Variants in FBRSL1 observed in about 807,000 individuals in gnomAD.
FBRSL1 encodes fibrosin-1-like protein.
In FBRSL1, 51 loss-of-function variants were observed where a neutral mutation model predicts 89.6. The observed-to-expected ratio is 0.57, with a 90% CI of 0.45 to 0.72. FBRSL1 has a LOEUF of 0.72. Among genes scored for constraint, FBRSL1 ranks in the 30% least tolerant of loss-of-function variants. FBRSL1 has a pLI of 0.00. For missense variants in FBRSL1, 1,618 were observed against 1,451.8 expected, an observed-to-expected ratio of 1.11 and a Z score of -1.86; for synonymous variants, 779 against 681.1, an observed-to-expected ratio of 1.14 and a Z score of -2.24.
chr12:132,536,765 G>A (rs1465178472), intron 4 of FBRSL1, among the ~76,000 whole-genome samples: 1 of 152,130 alleles, frequency 6.6e-6, no homozygotes, highest in Non-Finnish European at 1.5e-5. Context: ...GTATATGATG[G>A]TGTGTGTGAG....
intron 4 of FBRSL1, among the ~76,000 whole-genome samples, chr12:132,539,125 C>T (rs752360089): frequency 2.4e-4 from 36 of 152,054 alleles, no homozygotes; most frequent in Non-Finnish European, 3.1e-4. Flanking sequence ...AGCCGCATCC[C>T]CACACACTGC....
chr12:132,565,976 G>C (rs2039584531), intron 5 of FBRSL1: 1 of 152,206 alleles, frequency 6.6e-6, no homozygotes, highest in African/African-American at 2.4e-5. Flanking sequence ...AATGGATCGT[G>C]GTGACAGGTG....
chr12:132,535,174 T>G (rs2036604184), intron 4 of FBRSL1, among the ~76,000 whole-genome samples: 1 of 152,242 alleles, frequency 6.6e-6, no homozygotes. Context: ...CTTTTTGTGT[T>G]GATAAATAAT....
intron 14 of FBRSL1, 109 bp downstream of exon 14, chr12:132,574,673 G>GA: frequency 1.5e-6 from 2 of 1,364,958 alleles, no homozygotes; most frequent in Non-Finnish European, 2.0e-6. Context: ...GTGCACGGGT[G>GA]TGATCCTCAC....
chr12:132,572,256 CG>C, intron 9 of FBRSL1, 31 bp from the exon 10 acceptor site: 1 of 1,546,530 alleles, frequency 6.5e-7, no homozygotes, highest in Non-Finnish European at 8.7e-7. Flanking sequence ...GTCGTGTGTG[CG>C]GGGCCTCACC....
chr12:132,547,717 G>A (rs867858346), intron 4 of FBRSL1, among the ~76,000 whole-genome samples: 3 of 152,210 alleles, frequency 2.0e-5, no homozygotes, highest in African/African-American at 7.2e-5. Flanking sequence ...GGCTCCTCTC[G>A]GGCTGCAGGG....
chr12:132,521,945 G>A (rs1224160584), intron 2 of FBRSL1, among the ~76,000 whole-genome samples: 2 of 152,160 alleles, frequency 1.3e-5, no homozygotes, highest in Non-Finnish European at 1.5e-5. Context: ...CAGGTGGGGC[G>A]ATGAGTCCGT....
At chr12:132,582,948 C>CA (rs1401707772) in intron 18 of FBRSL1, 23 bp from the exon 19 acceptor site, 7 of 1,379,794 alleles carry the variant, frequency 5.1e-6, no homozygotes, top group Non-Finnish European at 6.5e-6. Flanking sequence ...TCGGGAGTGA[C>CA]GGGTCCGCCC....
intron 2 of FBRSL1, among the ~76,000 whole-genome samples, chr12:132,519,262 C>T (rs367947960): frequency 3.9e-5 from 6 of 152,234 alleles, no homozygotes; most frequent in Non-Finnish European, 7.3e-5. Context: ...TTTAGAGAGA[C>T]ACTTAGGGGA....
intron 15 of FBRSL1, 47 bp downstream of exon 15, chr12:132,576,978 C>T (rs1054711313): frequency 1.2e-5 from 18 of 1,526,428 alleles, no homozygotes; most frequent in East Asian, 5.0e-5. Flanking sequence ...ACCTCCCGCT[C>T]GTGCCCAGCT....
chr12:132,507,659 CAG>C (rs1413596082), intron 1 of FBRSL1, among the ~76,000 whole-genome samples: 1 of 152,156 alleles, frequency 6.6e-6, no homozygotes, highest in Non-Finnish European at 1.5e-5. Flanking sequence ...GAGCACTGGC[CAG>C]AACCCCTCAG....
chr12:132,561,728 C>T (rs925562637), intron 5 of FBRSL1, among the ~76,000 whole-genome samples: 1 of 152,206 alleles, frequency 6.6e-6, no homozygotes, highest in Non-Finnish European at 1.5e-5. Flanking sequence ...AAGAAGAGGG[C>T]CCGCGTGCGT....
intron 1 of FBRSL1, among the ~76,000 whole-genome samples, chr12:132,492,250 C>T (rs542313043): frequency 2.6e-5 from 4 of 152,328 alleles, no homozygotes; most frequent in African/African-American, 9.6e-5. Flanking sequence ...AGCCCTTGTA[C>T]CCTGCCGTTC....
chr12:132,515,519 C>T (rs1170373087), intron 2 of FBRSL1, among the ~76,000 whole-genome samples: 1 of 141,342 alleles, frequency 7.1e-6, no homozygotes, highest in Non-Finnish European at 1.5e-5. Flanking sequence ...TAAGGTTTTA[C>T]CTTAAGAAAC....
intron 1 of FBRSL1, among the ~76,000 whole-genome samples, chr12:132,505,558 G>A (rs994550859): frequency 3.9e-5 from 6 of 152,208 alleles, no homozygotes; most frequent in Non-Finnish European, 7.3e-5. Context: ...GGCCTTGGAC[G>A]GGACGCTGTA....
At chr12:132,556,756 C>CA (rs1163502752) in intron 5 of FBRSL1, among the ~76,000 whole-genome samples, 3 of 109,530 alleles carry the variant, frequency 2.7e-5, no homozygotes, top group African/African-American at 9.0e-5. Flanking sequence ...TGCTGCACCC[C>CA]AACCCCTGTC....
At chr12:132,551,599 T>C (rs933523848) in intron 5 of FBRSL1, 1 of 456,190 alleles carries the variant, frequency 2.2e-6, no homozygotes, top group South Asian at 1.5e-5. Context: ...CAGCCACCCC[T>C]TGGGGACTCA....
At chr12:132,501,949 G>A (rs1265449750) in intron 1 of FBRSL1, among the ~76,000 whole-genome samples, 1 of 152,210 alleles carries the variant, frequency 6.6e-6, no homozygotes, top group Non-Finnish European at 1.5e-5. Context: ...GCTTCTTTCT[G>A]TTGTCTTCCT....
At chr12:132,501,002 C>T (rs774247559) in intron 1 of FBRSL1, among the ~76,000 whole-genome samples, 2 of 152,246 alleles carry the variant, frequency 1.3e-5, no homozygotes, top group African/African-American at 2.4e-5. Flanking sequence ...CTGCGTGCCT[C>T]TCCCCAGGGA....
Sources: gnomAD v4.1 joint callset for allele counts (sites outside exome capture counted in the v4.1 genomes callset) on GRCh38, gnomAD v4.1.1 for gene constraint, MANE v1.5 for transcripts, NCBI Gene and HGNC (gene_info 2026-07-23, HGNC 2026-07-21) for gene names.